The following LRRC7 variants were observed in gnomAD, a reference collection of about 807,000 sequenced individuals.
LRRC7 encodes the protein leucine rich repeat containing 7.
In LRRC7, 23 loss-of-function variants were observed where a neutral mutation model predicts 175.7. The observed-to-expected ratio is 0.13, with a 90% confidence interval of 0.09 to 0.19. The LOEUF (loss-of-function observed/expected upper bound fraction) is 0.19, where lower values mean the gene tolerates loss of function less well. LRRC7 is among the 10% of genes least tolerant of loss of function. The probability of loss-of-function intolerance (pLI) is 1.00; values close to 1 mark genes in which losing one functional copy is unlikely to be tolerated. For missense variants in LRRC7, 1,354 were observed against 1,904.7 expected, an observed-to-expected ratio of 0.71 and a Z score of 5.38; for synonymous variants, 685 against 680.9, an observed-to-expected ratio of 1.01 and a Z score of -0.09.
intron 3 of LRRC7, among the ~76,000 whole-genome samples, chr1:69,762,637 T>G (rs1355698178): frequency 6.6e-6 from 1 of 151,992 alleles, no homozygotes; most frequent in Non-Finnish European, 1.5e-5. Flanking sequence ...TTCTTGAAAG[T>G]CACATAGTAT....
intron 7 of LRRC7, among the ~76,000 whole-genome samples, chr1:69,843,474 G>C (rs980734258): frequency 2.0e-5 from 3 of 151,982 alleles, no homozygotes; most frequent in Middle Eastern, 3.2e-3. Context: ...ATTTTCCGAA[G>C]TACAAGCATA....
Position 70,130,883 on chromosome 1 carries a change from A to G in LRRC7, c.*8996A>G, listed in dbSNP as rs1458555101. ...ACCTATTTAGCTCTAAATTTTAATC[A>G]AACTGCTGCCAAATGCTGCCCGTCC... On this transcript the variant is annotated 3_prime_UTR_variant, in exon 27 of 27. Coordinates refer to ENST00000651989, the MANE Select transcript of LRRC7 (RefSeq NM_001370785.2). Among the ~76,000 whole-genome samples, 2 of 152,190 alleles carry G rather than the reference A, an allele frequency of 1.3e-5. No individual in the cohort carries two copies. The highest frequency in any genetic ancestry group is 2.9e-5 in the Non-Finnish European group (2 of 68,024).
intron 1 of LRRC7, among the ~76,000 whole-genome samples, chr1:69,569,813 G>C (rs1364250390): frequency 6.6e-6 from 1 of 150,852 alleles, no homozygotes; most frequent in East Asian, 2.0e-4. Flanking sequence ...GAGAAGAGAC[G>C]GGGTCACTTT....
intron 13 of LRRC7, among the ~76,000 whole-genome samples, chr1:70,014,731 T>A (rs1321720631): frequency 6.6e-6 from 1 of 152,072 alleles, no homozygotes; most frequent in Non-Finnish European, 1.5e-5. Flanking sequence ...TTTTAAAGTT[T>A]GACATTATAG....
intron 3 of LRRC7, among the ~76,000 whole-genome samples, chr1:69,777,718 A>G (rs35254566): frequency 0.016 from 2,490 of 152,208 alleles, 30 homozygotes; most frequent in Non-Finnish European, 0.027. Context: ...AACAGCCAAG[A>G]TTTTGTTACC....
chr1:69,572,827 C>A (rs1251578465), intron 1 of LRRC7, among the ~76,000 whole-genome samples: 1 of 151,920 alleles, frequency 6.6e-6, no homozygotes, highest in Non-Finnish European at 1.5e-5. Context: ...GAAGTATAAA[C>A]TTTTTTGTAT....
chr1:69,652,380 T>A (rs562750307), intron 1 of LRRC7, among the ~76,000 whole-genome samples: 1 of 149,734 alleles, frequency 6.7e-6, no homozygotes, highest in African/African-American at 2.6e-5. Context: ...AAGAAACTAA[T>A]CTTATCTAAA....
chr1:69,617,774 G>A (rs61782217), intron 1 of LRRC7, among the ~76,000 whole-genome samples: 9,033 of 151,890 alleles, frequency 0.059, 398 homozygotes, highest in East Asian at 0.21. Context: ...CCTCCTCAAG[G>A]AAGTTAATCC....
At chr1:69,677,795 G>C (rs987727005) in intron 1 of LRRC7, among the ~76,000 whole-genome samples, 1 of 151,832 alleles carries the variant, frequency 6.6e-6, no homozygotes, top group Non-Finnish European at 1.5e-5. Context: ...CCATAGACTC[G>C]GTGGCTTAAA....
At chr1:69,908,543 G>T (rs991347617) in intron 7 of LRRC7, among the ~76,000 whole-genome samples, 3 of 152,110 alleles carry the variant, frequency 2.0e-5, no homozygotes. Context: ...TCAGGAGCAG[G>T]TTGTTCAGTT....
rs1219124067 is a variant in LRRC7 at position 69,687,442 on chromosome 1, G to A, written c.100+8964G>A. 1.1e-4 allele frequency among the ~76,000 whole-genome samples: 16 copies of A among 147,338 alleles called. No individual in the cohort carries two copies. The East Asian group carries it at 1.8e-3, about 17-fold the overall frequency. On this transcript the variant is annotated intron_variant, in intron 2 of 26. Transcript: ENST00000651989. ...GGAGAATCACTTGAGCCCGGGAGGC[G>A]GAGGTTGCAGTGAGCCGAGATCACA...
At chr1:70,029,587 T>C (rs1658492001) in intron 18 of LRRC7, among the ~76,000 whole-genome samples, 1 of 152,170 alleles carries the variant, frequency 6.6e-6, no homozygotes, top group Non-Finnish European at 1.5e-5. Flanking sequence ...GCACATATTA[T>C]AGTAAAGCAA....
intron 2 of LRRC7, among the ~76,000 whole-genome samples, chr1:69,707,450 G>C: frequency 6.6e-6 from 1 of 151,988 alleles, no homozygotes; most frequent in Non-Finnish European, 1.5e-5. Flanking sequence ...GCTTTATTAC[G>C]CGCCAATTTC....
At chr1:70,116,814 A>C (rs1397582587) in intron 26 of LRRC7, among the ~76,000 whole-genome samples, 1 of 152,176 alleles carries the variant, frequency 6.6e-6, no homozygotes, top group African/African-American at 2.4e-5. Context: ...CCAATACTTA[A>C]TGAGAGTACT....
intron 13 of LRRC7, 87 bp from the exon 14 acceptor site, chr1:70,016,378 C>A: frequency 1.0e-6 from 1 of 967,226 alleles, no homozygotes; most frequent in Non-Finnish European, 1.5e-6. Flanking sequence ...AGAATGAAAC[C>A]AACAAGTTAG....
chr1:69,719,535 T>G (rs1021454412), intron 2 of LRRC7, among the ~76,000 whole-genome samples: 22 of 151,852 alleles, frequency 1.4e-4, no homozygotes, highest in African/African-American at 4.3e-4. Flanking sequence ...TCATTAGCTC[T>G]ATTTTTATTT....
intron 2 of LRRC7, among the ~76,000 whole-genome samples, chr1:69,684,238 T>C (rs897575366): frequency 2.6e-5 from 4 of 152,160 alleles, no homozygotes; most frequent in South Asian, 2.1e-4. Context: ...CATGACATAT[T>C]GCCTGGCAGT....
At chr1:69,890,314 T>A (rs1482496670) in intron 7 of LRRC7, among the ~76,000 whole-genome samples, 1 of 152,194 alleles carries the variant, frequency 6.6e-6, no homozygotes, top group African/African-American at 2.4e-5. Flanking sequence ...ATCTTGTAAA[T>A]CTCCTTGGGA....
At chr1:69,704,335 C>T (rs924987321) in intron 2 of LRRC7, among the ~76,000 whole-genome samples, 4 of 151,792 alleles carry the variant, frequency 2.6e-5, no homozygotes, top group South Asian at 2.1e-4. Context: ...AGGCAGTTAC[C>T]GACCCCATGA....
Sources: gnomAD v4.1 joint callset for allele counts (sites outside exome capture counted in the v4.1 genomes callset) on GRCh38, gnomAD v4.1.1 for gene constraint, MANE v1.5 for transcripts, NCBI Gene and HGNC (gene_info 2026-07-23, HGNC 2026-07-21) for gene names.